The following SPC25 variants were observed in gnomAD, a reference collection of about 807,000 sequenced individuals.
The protein encoded by SPC25 is SPC25 component of NDC80 kinetochore complex.
Under a neutral mutation model 29.6 loss-of-function variants are expected in SPC25, and 22 were observed. The ratio of observed to expected loss-of-function variants is 0.74; its 90% CI spans 0.53 to 1.06. The LOEUF (loss-of-function observed/expected upper bound fraction) is 1.06, where lower values mean the gene tolerates loss of function less well. Ranked by LOEUF, SPC25 falls within the 50% of genes least tolerant of loss-of-function variation. SPC25 has a pLI of 0.00. For missense variants in SPC25, 230 were observed against 255.8 expected (o/e 0.90, Z 0.69); for synonymous variants, 91 against 90.4 (o/e 1.01, Z -0.04).
intron 4 of SPC25, chr2:168,863,759 T>A (rs1275859732): frequency 4.7e-6 from 3 of 632,290 alleles, no homozygotes; most frequent in Admixed American, 6.3e-5. Context: ...TGAGACATAC[T>A]TATAGCAGCC....
At chr2:168,868,382 C>CA (rs1202237571), downstream of SPC25, among the ~76,000 whole-genome samples, 4 of 151,874 alleles carry the variant, frequency 2.6e-5, no homozygotes, top group African/African-American at 9.7e-5. Flanking sequence ...AATAGAGACA[C>CA]AAAAAACCCT....
At chr2:168,884,435 T>C (rs569209911) in intron 3 of SPC25, among the ~76,000 whole-genome samples, 1 of 152,364 alleles carries the variant, frequency 6.6e-6, no homozygotes, top group African/African-American at 2.4e-5. Flanking sequence ...TCCAGAACTT[T>C]AGGCTATTTT....
In SPC25 at chr2:168,873,745, C is replaced by T. The variant is rs1044117231; in HGVS notation, c.452-62G>A. 4.6e-6 allele frequency: 5 copies of T among 1,090,660 alleles called. No homozygotes were observed. In the Admixed American group the frequency reaches 5.2e-5, roughly 11 times the overall value. The allele number at this position is 1,090,660 out of a possible 1,614,324, so 67.6% of individuals were successfully genotyped here. A position where few individuals can be genotyped will look rare whatever the true frequency, so the allele number is the denominator to read the frequency against. ...TTCAATGGAGATACCCTTTCTTACT[C>T]CATCTTTGATCAATATCTGCACTGC... is the stretch of plus-strand genomic sequence containing the variant. On this transcript the variant is annotated intron_variant, in intron 5 of 6. Transcript: ENST00000282074.
chr2:168,889,800 G>GTCCATTTTC (rs1690359406), intron 1 of SPC25, among the ~76,000 whole-genome samples: 1 of 152,058 alleles, frequency 6.6e-6, no homozygotes, highest in African/African-American at 2.4e-5. Context: ...ATGACCCTGG[G>GTCCATTTTC]TCCATTTTCT....
intron 4 of SPC25, chr2:168,865,643 TAAAG>T (rs1559149789): frequency 6.6e-6 from 1 of 152,088 alleles, no homozygotes; most frequent in East Asian, 1.9e-4. Context: ...GAGAAGGAAA[TAAAG>T]GGCATTCAAT....
intron 3 of SPC25, among the ~76,000 whole-genome samples, chr2:168,886,093 G>A (rs1052626678): frequency 4.1e-5 from 5 of 120,866 alleles, no homozygotes; most frequent in East Asian, 4.9e-4. Context: ...TCACTCTGTC[G>A]CCCAGGCTGG....
intron 3 of SPC25, among the ~76,000 whole-genome samples, chr2:168,886,881 A>G (rs1367925787): frequency 6.6e-6 from 1 of 152,190 alleles, no homozygotes; most frequent in Non-Finnish European, 1.5e-5. Context: ...GACTATATAG[A>G]GCATAACTTC....
At chr2:168,866,217 A>T (rs1023923922), downstream of SPC25, among the ~76,000 whole-genome samples, 1 of 152,310 alleles carries the variant, frequency 6.6e-6, no homozygotes, top group Non-Finnish European at 1.5e-5. Context: ...ACCTGACTTC[A>T]AACTATCCTA....
intron 6 of SPC25, among the ~76,000 whole-genome samples, 198 bp downstream of exon 6, chr2:168,873,387 A>T (rs1045688947): frequency 6.6e-6 from 1 of 152,190 alleles, no homozygotes; most frequent in Non-Finnish European, 1.5e-5. Context: ...GATGCTACTT[A>T]TTAAGGATCT....
intron 1 of SPC25, 42 bp from the exon 2 acceptor site, chr2:168,889,575 T>C (rs1690355707): frequency 1.3e-6 from 2 of 1,565,902 alleles, no homozygotes; most frequent in African/African-American, 2.7e-5. Flanking sequence ...GTTACTGAAA[T>C]CAAATCACCC....
At chr2:168,869,351 G>A (rs897021745), downstream of SPC25, among the ~76,000 whole-genome samples, 1 of 152,146 alleles carries the variant, frequency 6.6e-6, no homozygotes, top group Admixed American at 6.5e-5. Context: ...TGGAAGTTCT[G>A]GCCAGGGCAA....
chr2:168,861,894 A>G, intron 4 of SPC25: 1 of 1,423,992 alleles, frequency 7.0e-7, no homozygotes, highest in African/African-American at 1.4e-5. Flanking sequence ...AAATAACCAA[A>G]GAGCTTCAGC....
At chr2:168,864,980 C>T (rs377429537) in intron 4 of SPC25, 1 of 1,613,544 alleles carries the variant, frequency 6.2e-7, no homozygotes, top group African/African-American at 1.3e-5. Context: ...AAACAAGACT[C>T]TGAACATACT....
intron 3 of SPC25, among the ~76,000 whole-genome samples, chr2:168,884,373 C>T (rs1690224119): frequency 6.6e-6 from 1 of 152,272 alleles, no homozygotes; most frequent in Middle Eastern, 3.4e-3. Flanking sequence ...TAGTAAATAC[C>T]TCTCACTTTC....
intron 3 of SPC25, among the ~76,000 whole-genome samples, chr2:168,879,922 C>A (rs182913252): frequency 0.034 from 5,161 of 152,252 alleles, 278 homozygotes; most frequent in African/African-American, 0.11. Context: ...TTTTGAAAGC[C>A]ATCTTTTTTC....
At chr2:168,865,126 T>C (rs1689784098) in intron 4 of SPC25, 1 of 784,894 alleles carries the variant, frequency 1.3e-6, no homozygotes, top group African/African-American at 1.7e-5. Flanking sequence ...GATTATTAGC[T>C]TGAAACAGTC....
intron 4 of SPC25, among the ~76,000 whole-genome samples, chr2:168,876,472 T>C (rs929501875): frequency 2.6e-5 from 4 of 152,070 alleles, no homozygotes; most frequent in African/African-American, 7.2e-5. Flanking sequence ...GGCATAGAAA[T>C]AGACTTCATT....
At position 168,871,435 on chromosome 2, in the gene SPC25, T is replaced by G. The variant is rs1689981590; in HGVS notation, c.671A>C (p.Asn224Thr). 1 of 1,603,196 alleles carries G rather than the reference T, an allele frequency of 6.2e-7. No individual in the cohort carries two copies. Among genetic ancestry groups the G allele is most frequent in the African/African-American group, 1.3e-5 (1 of 74,190 alleles). ...TTTATATACACTATTTGTATGTTAA[T>G]TATAAACCGTGGCAGTAAAAGCTTT... is the stretch of plus-strand genomic sequence containing the variant. ...VRKAFTATVY[N>T] is the part of the protein sequence containing the mutation. The change falls in exon 7 of 7, where the codon AAT becomes ACT. Residue 224 changes from asparagine to threonine, a missense_variant. Transcript: ENST00000282074.
At chr2:168,887,421 C>CAAAAAAAAAAAAAAAAAAAAAAAAAA (rs5836211) in intron 3 of SPC25, among the ~76,000 whole-genome samples, 8 of 131,410 alleles carry the variant, frequency 6.1e-5, no homozygotes, top group African/African-American at 1.7e-4. Flanking sequence ...GACTCCATCT[C>CAAAAAAAAAAAAAAAAAAAAAAAAAA]AAAAAAAAAA....
Sources: allele counts gnomAD v4.1 joint callset (sites outside exome capture counted in the v4.1 genomes callset), GRCh38; gene constraint gnomAD v4.1.1; transcripts MANE v1.5; gene names NCBI Gene and HGNC (gene_info 2026-07-23, HGNC 2026-07-21).